PDGFA: variants seen among roughly 807,000 people sequenced by gnomAD.
PDGFA encodes the protein platelet derived growth factor subunit A.
In PDGFA, 9 loss-of-function variants were observed where a neutral mutation model predicts 25.6. That is an observed-to-expected ratio of 0.35 (90% CI 0.21 to 0.61). PDGFA has a LOEUF of 0.61. Ranked by LOEUF, PDGFA falls within the 20% of genes least tolerant of loss-of-function variation. The pLI, the probability that PDGFA is intolerant of heterozygous loss-of-function variation, is 0.75. For synonymous variants in PDGFA, 133 were observed against 111.8 expected, an observed-to-expected ratio of 1.19 and a Z score of -1.20; for missense variants, 242 against 272.8, an observed-to-expected ratio of 0.89 and a Z score of 0.79.
At position 517,966 on chromosome 7, in the gene PDGFA, A is replaced by G. The variant is rs1307844741; in HGVS notation, c.64-476T>C. Among the ~76,000 whole-genome samples the G allele has an allele frequency of 6.6e-6, 1 of 152,122 alleles. No individual in the cohort carries two copies. Among genetic ancestry groups the G allele is most frequent in the Non-Finnish European group, 1.5e-5 (1 of 68,028 alleles). ...TTCACGCCCCGGAATCCCGGGCCGAACCCGTGGAGAGGTCTCTCCGTCTCA... is the reference window on the plus strand; with the variant it reads ...TTCACGCCCCGGAATCCCGGGCCGAGCCCGTGGAGAGGTCTCTCCGTCTCA... On this transcript the variant is annotated intron_variant, in intron 1 of 5. Coordinates refer to ENST00000402802, the Ensembl canonical transcript of PDGFA. The surrounding 1 kb of genome is among the most constrained non-coding windows in gnomAD (Gnocchi z 7.4).
At chr7:516,752 G>C (rs1266308698) in intron 2 of PDGFA, among the ~76,000 whole-genome samples, 2 of 152,220 alleles carry the variant, frequency 1.3e-5, no homozygotes, top group East Asian at 3.9e-4. Flanking sequence ...CAAACAAGCT[G>C]TGTTCTCTAG....
At chr7:511,057 G>A in intron 3 of PDGFA, 61 bp from the exon 4 acceptor site, 1 of 1,369,700 alleles carries the variant, frequency 7.3e-7, no homozygotes, top group South Asian at 1.2e-5. Context: ...CCCACCCCAG[G>A]GCTGAGGCGG....
chr7:511,901 C>T (rs1045609223), intron 3 of PDGFA, among the ~76,000 whole-genome samples: 18 of 147,548 alleles, frequency 1.2e-4, no homozygotes, highest in Middle Eastern at 3.2e-3. Context: ...GTGAGGGTGT[C>T]GGGGGGCAGC....
intron 3 of PDGFA, among the ~76,000 whole-genome samples, 188 bp from the exon 4 acceptor site, chr7:511,184 T>C (rs1483207240): frequency 6.7e-6 from 1 of 149,268 alleles, no homozygotes; most frequent in Non-Finnish European, 1.5e-5. Context: ...GCACCACACA[T>C]CCAGAGGAGC....
intron 4 of PDGFA, 68 bp downstream of exon 4, chr7:510,741 G>GAGGAGAGGAGGGGAGGGGAC: frequency 8.0e-6 from 3 of 372,984 alleles, no homozygotes. Context: ...GGGGAGGGGA[G>GAGGAGAGGAGGGGAGGGGAC]AGGAGAGGAG....
exon 5 of PDGFA, chr7:501,213 C>T (rs979832113): frequency 1.2e-6 from 2 of 1,614,202 alleles, no homozygotes; most frequent in East Asian, 2.2e-5. Flanking sequence ...TTAATTTTGG[C>T]TTCTTCCTGA....
rs1445352280 is a variant in PDGFA at position 510,336 on chromosome 7, C to T, written c.453+473G>A. ...AGCGCAGCCGTGCACCCCCACCAGC[C>T]ACACCAGGGGCACCTTGTGGCCTCC... On this transcript the variant is annotated intron_variant, in intron 4 of 5. Coordinates refer to ENST00000402802, the Ensembl canonical transcript of PDGFA. 2.0e-5 allele frequency among the ~76,000 whole-genome samples: 3 copies of T among 152,128 alleles called. No homozygotes were observed. In the East Asian group the frequency reaches 5.9e-4, roughly 30 times the overall value.
exon 1 of PDGFA, chr7:518,978 C>T (rs1273515228): frequency 6.5e-7 from 1 of 1,542,158 alleles, no homozygotes; most frequent in East Asian, 2.5e-5. Context: ...AGCCGAGGAG[C>T]AGCAGGCAAG....
chr7:520,064 C>A, upstream of PDGFA: 1 of 398,736 alleles, frequency 2.5e-6, no homozygotes, highest in African/African-American at 2.2e-5. Flanking sequence ...CATCAAAGCC[C>A]CGCGCCCGGC....
chr7:505,723 A>G (rs2128395281), intron 4 of PDGFA, among the ~76,000 whole-genome samples: 1 of 152,312 alleles, frequency 6.6e-6, no homozygotes, highest in South Asian at 2.1e-4. Flanking sequence ...AGAGTCACAC[A>G]GCGTTGAATC....
Position 500,266 on chromosome 7 carries a change from G to A in PDGFA, c.580+850C>T, listed in dbSNP as rs573368861. 6.6e-6 allele frequency among the ~76,000 whole-genome samples: 1 copy of A among 152,338 alleles called. No individual in the cohort carries two copies. Among genetic ancestry groups the A allele is most frequent in the South Asian group, 2.1e-4 (1 of 4,830 alleles). The stretch of plus-strand genomic sequence containing the variant: ...GGCCAGGGCGTTCTGCGAGGCAGGA[G>A]CGGACGGGGAGCAAGGAGACCCAAG... On this transcript the variant is annotated intron_variant, in intron 5 of 5. Transcript: ENST00000402802. The surrounding 1 kb of genome is among the most constrained non-coding windows in gnomAD (Gnocchi z 5.0).
In PDGFA at chr7:512,853, G is replaced by A. The variant is rs534855221; in HGVS notation, c.161-398C>T. 2.5e-3 allele frequency: 871 copies of A among 342,312 alleles called. 6 individuals carry two copies. The highest frequency in any genetic ancestry group is 0.017 in the African/African-American group (793 of 46,894). 21.2% of individuals were successfully genotyped at this position (342,312 alleles called of 1,614,324 possible). Reference sequence around the variant, plus strand: ...GCCGCCCAGCTCCGTGCACCTCCCCGAGGGGCACAGGGCTAAGCCAGGCCC... The same window carrying A: ...GCCGCCCAGCTCCGTGCACCTCCCCAAGGGGCACAGGGCTAAGCCAGGCCC... On this transcript the variant is annotated intron_variant, in intron 2 of 5. Transcript: ENST00000402802.
At chr7:505,995 G>A (rs949779841) in intron 4 of PDGFA, among the ~76,000 whole-genome samples, 5 of 152,042 alleles carry the variant, frequency 3.3e-5, no homozygotes, top group East Asian at 1.9e-4. Flanking sequence ...CCAATATGGC[G>A]AAACCTCATC....
chr7:500,917 TC>T lies in PDGFA; in HGVS notation c.580+198del. 1.3e-6 allele frequency: 2 copies of T among 1,587,154 alleles called. No homozygotes were observed. Among genetic ancestry groups the T allele is most frequent in the Non-Finnish European group, 1.7e-6 (2 of 1,174,008 alleles). ...GCCAGTGCCGCAGCTTGGGCCACCC[TC>T]CCCACCGGACACCTGCAGGTGTGGG... On this transcript the variant is annotated intron_variant, in intron 5 of 5. Transcript: ENST00000402802. This position sits in a 1 kb window ranked among gnomAD's most constrained non-coding sequence, Gnocchi z 5.0.
At chr7:499,917 C>A (rs1782254391) in intron 5 of PDGFA, among the ~76,000 whole-genome samples, 1 of 152,140 alleles carries the variant, frequency 6.6e-6, no homozygotes, top group Non-Finnish European at 1.5e-5. Context: ...GAAGCTCGAT[C>A]TTATCTCAAT....
At chr7:518,080 G>A (rs1783189952) in intron 1 of PDGFA, among the ~76,000 whole-genome samples, 1 of 152,004 alleles carries the variant, frequency 6.6e-6, no homozygotes, top group Admixed American at 6.5e-5. Context: ...GCCCAGCCGC[G>A]GCCCTAGCGC....
At chr7:506,770 C>T (rs1245913201) in intron 4 of PDGFA, among the ~76,000 whole-genome samples, 17 of 152,140 alleles carry the variant, frequency 1.1e-4, no homozygotes, top group Non-Finnish European at 1.2e-4. Context: ...CTAGGGACCC[C>T]GGCCAGTCAC....
chr7:512,662 C>T, intron 2 of PDGFA: 1 of 1,503,706 alleles, frequency 6.7e-7, no homozygotes, highest in Non-Finnish European at 8.9e-7. Flanking sequence ...GGGCATGAAA[C>T]ACTGGAAACC....
upstream of PDGFA, among the ~76,000 whole-genome samples, chr7:519,668 G>A (rs1426276972): frequency 6.9e-6 from 1 of 145,412 alleles, no homozygotes; most frequent in South Asian, 2.1e-4. Flanking sequence ...GCCCGCGGCC[G>A]AGCCGCCTGG....
Sources: allele counts gnomAD v4.1 joint callset (sites outside exome capture counted in the v4.1 genomes callset), GRCh38; gene constraint gnomAD v4.1.1; non-coding constraint Gnocchi (gnomAD v3.1); transcripts MANE v1.5; gene names NCBI Gene and HGNC (gene_info 2026-07-23, HGNC 2026-07-21).